Variants in SLC75A1 observed in about 807,000 individuals in gnomAD.
SLC75A1 encodes solute carrier family 75 member 1.
At chr4:2,933,511 C>G in the SLC75A1 span, 14 of 1,556,494 alleles carry the variant, frequency 9.0e-6, no homozygotes, top group African/African-American at 1.4e-5. Flanking sequence ...GGCTGGACCA[C>G]GTCCACCAAA....
chr4:2,933,997 C>A, the SLC75A1 span: 1 of 1,460,048 alleles, frequency 6.8e-7, no homozygotes, highest in Non-Finnish European at 9.2e-7. Flanking sequence ...CCTCCGGGGC[C>A]TGGCATACCC....
the SLC75A1 span, chr4:2,931,944 G>A: frequency 6.2e-7 from 1 of 1,605,112 alleles, no homozygotes; most frequent in Non-Finnish European, 8.5e-7. Context: ...GCCCTGGGGA[G>A]AGGTGGCGCG....
chr4:2,933,065 G>T, the SLC75A1 span: 120 of 1,584,434 alleles, frequency 7.6e-5, no homozygotes, highest in African/African-American at 1.4e-3. Context: ...TGGCTGGGTG[G>T]GAGGAGGCTT....
chr4:2,933,729 G>A, the SLC75A1 span: 12 of 1,605,976 alleles, frequency 7.5e-6, no homozygotes, highest in East Asian at 2.2e-4. Context: ...AGGGGGCACT[G>A]TGGGCCGCAG....
chr4:2,932,662 C>T, the SLC75A1 span: 16 of 1,611,920 alleles, frequency 9.9e-6, no homozygotes, highest in South Asian at 5.5e-5. Flanking sequence ...GAGAGGCTGA[C>T]GTTCCCTTTG....
the SLC75A1 span, chr4:2,933,828 G>A: frequency 1.9e-6 from 3 of 1,590,872 alleles, no homozygotes; most frequent in East Asian, 2.3e-5. Flanking sequence ...GGTCCAGCAG[G>A]AGGCCGAGAA....
the SLC75A1 span, chr4:2,933,711 T>TG: frequency 1.3e-6 from 2 of 1,597,412 alleles, no homozygotes; most frequent in Non-Finnish European, 1.7e-6. Flanking sequence ...CTGATGGGCC[T>TG]GGGGGGCAGG....
At chr4:2,930,641 G>T in the SLC75A1 span, 1 of 613,928 alleles carries the variant, frequency 1.6e-6, no homozygotes, top group Non-Finnish European at 2.9e-6. Context: ...AGCCCTGACA[G>T]CCTTGGAGTG....
the SLC75A1 span, chr4:2,932,401 G>C: frequency 6.2e-7 from 1 of 1,613,486 alleles, no homozygotes. Flanking sequence ...ATGAACAGCA[G>C]GTCGGAGGCT....
At chr4:2,934,647 C>T in the SLC75A1 span, 1 of 86,374 alleles carries the variant, frequency 1.2e-5, no homozygotes, top group African/African-American at 4.7e-5. Flanking sequence ...ACCTCTCACC[C>T]GCCCCACCCC....
At chr4:2,931,865 T>G in the SLC75A1 span, 1 of 1,610,324 alleles carries the variant, frequency 6.2e-7, no homozygotes, top group Non-Finnish European at 8.5e-7. Flanking sequence ...AAGCTCAGCG[T>G]GTACTCCAGG....
At chr4:2,933,930 C>T in the SLC75A1 span, 1 of 1,556,524 alleles carries the variant, frequency 6.4e-7, no homozygotes, top group South Asian at 1.2e-5. Flanking sequence ...CCATGGTGGG[C>T]TGCTCTGACC....
chr4:2,931,073 C>G, the SLC75A1 span: 22 of 1,602,932 alleles, frequency 1.4e-5, no homozygotes, highest in Non-Finnish European at 1.8e-5. Context: ...GAAGCGGCCA[C>G]CAGGGGCCCC....
At chr4:2,932,357 C>T in the SLC75A1 span, 1 of 1,612,756 alleles carries the variant, frequency 6.2e-7, no homozygotes, top group Non-Finnish European at 8.5e-7. Flanking sequence ...CTACCCGTTT[C>T]TCCAGGGGCA....
the SLC75A1 span, chr4:2,933,361 A>G: frequency 6.4e-6 from 6 of 943,080 alleles, no homozygotes; most frequent in East Asian, 2.6e-5. Context: ...GGGGGCCCCA[A>G]TGGAGAGATG....
At chr4:2,934,438 T>A in the SLC75A1 span, 1 of 74,422 alleles carries the variant, frequency 1.3e-5, no homozygotes, top group African/African-American at 5.5e-5. Flanking sequence ...CGCCTCCCAC[T>A]CCGCCATCCC....
chr4:2,931,072 ACCAGGGGC>A, the SLC75A1 span: 4 of 1,603,902 alleles, frequency 2.5e-6, no homozygotes, highest in Admixed American at 6.8e-5. Flanking sequence ...TGAAGCGGCC[ACCAGGGGC>A]CCCGCGGCCC....
At chr4:2,930,907 C>T in the SLC75A1 span, 7 of 1,613,078 alleles carry the variant, frequency 4.3e-6, no homozygotes, top group Admixed American at 1.7e-5. Flanking sequence ...GCAAAAAGAG[C>T]CCGGACCACG....
At chr4:2,934,063 T>C in the SLC75A1 span, 4 of 950,538 alleles carry the variant, frequency 4.2e-6, no homozygotes. Context: ...GGCTCTGGCC[T>C]ACGGACGCAG....
Sources: gnomAD v4.1 joint callset for allele counts on GRCh38, gnomAD v4.1.1 for gene constraint, MANE v1.5 for transcripts, NCBI Gene and HGNC (gene_info 2026-07-23, HGNC 2026-07-21) for gene names.